NEXN: variants seen among roughly 807,000 people sequenced by gnomAD.
The protein encoded by NEXN is nexilin.
NEXN carries 65 observed loss-of-function variants against 92.6 expected under a neutral mutation model. The ratio of observed to expected loss-of-function variants is 0.70; its 90% CI spans 0.57 to 0.86. The LOEUF (loss-of-function observed/expected upper bound fraction) is 0.86, where lower values mean the gene tolerates loss of function less well. NEXN is among the 40% of genes least tolerant of loss of function. The pLI, the probability that NEXN is intolerant of heterozygous loss-of-function variation, is 0.00. For missense variants in NEXN, 778 were observed against 771.1 expected, an observed-to-expected ratio of 1.01 and a Z score of -0.11; for synonymous variants, 254 against 242.5, an observed-to-expected ratio of 1.05 and a Z score of -0.44.
chr1:77,935,676 C>A, intron 10 of NEXN, 147 bp from the exon 11 acceptor site: 1 of 652,986 alleles, frequency 1.5e-6, no homozygotes, highest in Non-Finnish European at 2.7e-6. Context: ...TTTTGAGTCA[C>A]ACATGGTGGC....
chr1:77,942,757 T>C lies in NEXN; in HGVS notation c.1956T>C (p.Tyr652=), dbSNP rs1490265679. ...PETFPEDGGE[Y]MCKAVNNKGS... ...CTTTCCCAGAAGATGGAGGAGAGTA[T>C]ATGTGTAAAGCAGTCAACAATAAAG... The change falls in exon 13 of 13, where the codon TAT becomes TAC. Residue 652 remains tyrosine (Y), a synonymous_variant. Transcript: ENST00000334785. 3 of 1,613,702 alleles carry C rather than the reference T, an allele frequency of 1.9e-6. No individual in the cohort carries two copies. Among genetic ancestry groups the C allele is most frequent in the Non-Finnish European group, 8.5e-7 (1 of 1,179,720 alleles).
intron 11 of NEXN, among the ~76,000 whole-genome samples, chr1:77,936,849 G>A (rs577850636): frequency 6.6e-4 from 100 of 152,194 alleles, no homozygotes; most frequent in Non-Finnish European, 5.3e-4. Flanking sequence ...GGCCTTCAGA[G>A]GAGACTGAAT....
At chr1:77,919,103 G>A (rs1374779245) in intron 5 of NEXN, among the ~76,000 whole-genome samples, 1 of 152,090 alleles carries the variant, frequency 6.6e-6, no homozygotes, top group Non-Finnish European at 1.5e-5. Flanking sequence ...CTTACGTAGC[G>A]GTGGCAAGAG....
chr1:77,940,370 A>G (rs1651159088), intron 11 of NEXN, among the ~76,000 whole-genome samples: 1 of 152,194 alleles, frequency 6.6e-6, no homozygotes, highest in South Asian at 2.1e-4. Flanking sequence ...ACAGAATACC[A>G]TTTATATTAC....
In NEXN at chr1:77,935,897, T is replaced by C. The variant is rs967960786; in HGVS notation, c.1326T>C (p.Ser442=). 6.2e-7 allele frequency: 1 copy of C among 1,613,982 alleles called. No homozygotes were observed. Among genetic ancestry groups the C allele is most frequent in the South Asian group, 1.1e-5 (1 of 91,032 alleles). Residue 442 remains serine, a synonymous_variant, in exon 11 of 13, where the codon TCT becomes TCC. Coordinates refer to ENST00000334785, the MANE Select transcript of NEXN (RefSeq NM_144573.4). ...EELIKLKRSG[S]IQAKNLKSKF... ...TGATCAAATTAAAAAGGAGTGGCTC[T>C]ATTCAAGCTAAAAACCTAAAAAGCA... is the stretch of plus-strand genomic sequence containing the variant.
chr1:77,918,923 A>G (rs1434978206), intron 5 of NEXN, among the ~76,000 whole-genome samples: 2 of 152,332 alleles, frequency 1.3e-5, no homozygotes, highest in East Asian at 3.9e-4. Flanking sequence ...AGTACCTAAC[A>G]AAGTGCTGGT....
Position 77,888,626 on chromosome 1 carries a change from C to T in NEXN, c.-186C>T. On this transcript the variant is annotated 5_prime_UTR_variant, in exon 1 of 13. Coordinates refer to ENST00000334785, the MANE Select transcript of NEXN (RefSeq NM_144573.4). ...GCGGCGGCGGCGGCGGCAGCGGCAG[C>T]CAGAGGACTCCCAGCGGCTGGAGCA... is the stretch of plus-strand genomic sequence containing the variant. The T allele has an allele frequency of 5.8e-6, 1 of 173,436 alleles. No individual in the cohort carries two copies. The highest frequency in any genetic ancestry group is 1.2e-5 in the Non-Finnish European group (1 of 82,374). The allele number at this position is 173,436 out of a possible 1,614,324, so 10.7% of individuals were successfully genotyped here. A position where few individuals can be genotyped will look rare whatever the true frequency, so the allele number is the denominator to read the frequency against.
chr1:77,928,009 G>A (rs755028944), intron 8 of NEXN, among the ~76,000 whole-genome samples: 6 of 151,718 alleles, frequency 4.0e-5, no homozygotes, highest in Admixed American at 2.6e-4. Context: ...TCCAAACCTC[G>A]TTTTAAGATT....
At chr1:77,914,095 T>C (rs916572209) in intron 1 of NEXN, among the ~76,000 whole-genome samples, 1 of 152,064 alleles carries the variant, frequency 6.6e-6, no homozygotes, top group African/African-American at 2.4e-5. Context: ...AAAGCATAAG[T>C]AAGTGGAGTA....
chr1:77,916,555 T>C (rs1648991317), intron 2 of NEXN, among the ~76,000 whole-genome samples: 1 of 152,172 alleles, frequency 6.6e-6, no homozygotes, highest in Non-Finnish European at 1.5e-5. Context: ...TTAGCTTTCT[T>C]CTGGTTCTTG....
chr1:77,889,402 G>A (rs1356847982), intron 1 of NEXN: 1 of 146,602 alleles, frequency 6.8e-6, no homozygotes, highest in Non-Finnish European at 1.5e-5. Flanking sequence ...GATGCTGGGG[G>A]TTGAGCAACT....
chr1:77,902,513 G>A (rs1263313269), intron 1 of NEXN, among the ~76,000 whole-genome samples: 1 of 152,136 alleles, frequency 6.6e-6, no homozygotes, highest in Non-Finnish European at 1.5e-5. Flanking sequence ...GATATGGTGA[G>A]TACAGGTAGA....
chr1:77,898,694 A>C (rs1312328573), intron 1 of NEXN, among the ~76,000 whole-genome samples: 3 of 152,298 alleles, frequency 2.0e-5, no homozygotes, highest in Non-Finnish European at 2.9e-5. Flanking sequence ...TTCTGCACAG[A>C]AAAAGAAACT....
In NEXN at chr1:77,943,328, A is replaced by G. The variant is rs1651562692; in HGVS notation, c.*499A>G. ...TTTTTACACCTAAAATTAGGCTGAA[A>G]TAGCTGAGATAATTAATTTGGAACC... On this transcript the variant is annotated 3_prime_UTR_variant, in exon 13 of 13. Coordinates refer to ENST00000334785, the MANE Select transcript of NEXN (RefSeq NM_144573.4). 1 of 177,050 alleles carries G rather than the reference A, an allele frequency of 5.6e-6. No homozygotes were observed. The highest frequency in any genetic ancestry group is 2.4e-5 in the African/African-American group (1 of 41,350). 11.0% of individuals were successfully genotyped at this position (177,050 alleles called of 1,614,324 possible).
At chr1:77,921,998 G>T (rs1446739707) in intron 5 of NEXN, among the ~76,000 whole-genome samples, 1 of 152,008 alleles carries the variant, frequency 6.6e-6, no homozygotes, top group East Asian at 1.9e-4. Flanking sequence ...AAAATCCGGG[G>T]CTCAAGAGAT....
At chr1:77,917,519 C>T (rs1557973695) in intron 2 of NEXN, 47 bp from the exon 3 acceptor site, 1 of 1,353,092 alleles carries the variant, frequency 7.4e-7, no homozygotes, top group South Asian at 1.2e-5. Context: ...CTAATTTCTT[C>T]CTATCTTTTT....
In NEXN at chr1:77,917,686, T is replaced by C. The variant is rs1324188637; in HGVS notation, c.148T>C (p.Ser50Pro). The change falls in exon 3 of 13, where the codon TCT (serine) becomes CCT (proline). Residue 50 changes from serine (S) to proline (P), a missense_variant. Ser to Pro is a moderately conservative substitution (Grantham distance 74). Around this residue, in one of 3 missense-constraint regions of NEXN, gnomAD observed 236 missense variants for 265.6 expected, o/e 0.89. Coordinates refer to ENST00000334785, the MANE Select transcript of NEXN (RefSeq NM_144573.4). ...CAGGGAAGAAAGAAATCAAAGGAGATCTAGAGACGAAAAACAAAGAAGAAA... is the reference window on the plus strand; with the variant it reads ...CAGGGAAGAAAGAAATCAAAGGAGACCTAGAGACGAAAAACAAAGAAGAAA... ...RAREERNQRR[S>P]RDEKQRRKEQ... 1 of 1,612,318 alleles carries C rather than the reference T, an allele frequency of 6.2e-7. No individual in the cohort carries two copies. The highest frequency in any genetic ancestry group is 8.5e-7 in the Non-Finnish European group (1 of 1,179,006).
chr1:77,934,845 C>T (rs1246439741), intron 10 of NEXN, among the ~76,000 whole-genome samples: 2 of 152,184 alleles, frequency 1.3e-5, no homozygotes, highest in Non-Finnish European at 2.9e-5. Context: ...GGTCCTCTCA[C>T]CAATTTATAA....
intron 1 of NEXN, among the ~76,000 whole-genome samples, chr1:77,909,316 A>G (rs1057008629): frequency 3.2e-4 from 48 of 152,178 alleles, no homozygotes; most frequent in Non-Finnish European, 7.4e-5. Context: ...GCTACTTGGG[A>G]GGCTGAGGCA....
Sources: gnomAD v4.1 joint callset for allele counts (sites outside exome capture counted in the v4.1 genomes callset) on GRCh38, gnomAD v4.1.1 for gene constraint, gnomAD v4.1.1 regional missense constraint, MANE v1.5 for transcripts, NCBI Gene and HGNC (gene_info 2026-07-23, HGNC 2026-07-21) for gene names.